The following DNAJB14 variants were observed in gnomAD, a reference collection of about 807,000 sequenced individuals.
DNAJB14 encodes DnaJ heat shock protein family (Hsp40) member B14.
Under a neutral mutation model 48.4 loss-of-function variants are expected in DNAJB14, and 22 were observed. That is an observed-to-expected ratio of 0.45 (90% CI 0.32 to 0.65). The LOEUF is 0.65. Ranked by LOEUF, DNAJB14 falls within the 30% of genes least tolerant of loss-of-function variation. The pLI is 0.03. For missense variants in DNAJB14, 319 were observed against 458.8 expected (o/e 0.70, Z 2.78); for synonymous variants, 142 against 158.7 (o/e 0.89, Z 0.79).
intron 1 of DNAJB14, among the ~76,000 whole-genome samples, chr4:99,945,426 TTTC>T (rs749102696): frequency 1.3e-5 from 2 of 152,198 alleles, no homozygotes; most frequent in Non-Finnish European, 2.9e-5. Flanking sequence ...TATCGATAAC[TTTC>T]TTCTTAACCT....
chr4:99,938,697 TAA>T (rs990289574), intron 1 of DNAJB14, among the ~76,000 whole-genome samples: 2 of 152,168 alleles, frequency 1.3e-5, no homozygotes, highest in African/African-American at 4.8e-5. Flanking sequence ...TTATTTGTAT[TAA>T]GTTTGAATGA....
rs1725261445 is a variant in DNAJB14 at position 99,900,479 on chromosome 4, C to T, written c.*549G>A. ...ATCAATTCCCTCTAAGCTGATAATA[C>T]TATAAGATTTTACACAAAGTTAAAG... On this transcript the variant is annotated 3_prime_UTR_variant, in exon 8 of 8. Transcript: ENST00000442697. 2 of 151,970 alleles carry T rather than the reference C, an allele frequency of 1.3e-5. 1 individual carries two copies. Among genetic ancestry groups the T allele is most frequent in the South Asian group, 4.1e-4 (2 of 4,830 alleles). 9.4% of individuals were successfully genotyped at this position (151,970 alleles called of 1,614,324 possible). A position where few individuals can be genotyped will look rare whatever the true frequency, so the allele number is the denominator to read the frequency against.
chr4:99,922,878 G>A (rs1726111202), intron 3 of DNAJB14, 162 bp downstream of exon 3: 5 of 708,858 alleles, frequency 7.1e-6, no homozygotes, highest in Non-Finnish European at 1.1e-5. Flanking sequence ...GTTTGCCTTC[G>A]GGTATAACCA....
intron 3 of DNAJB14, among the ~76,000 whole-genome samples, chr4:99,921,486 G>A (rs1276116712): frequency 6.6e-6 from 1 of 152,176 alleles, no homozygotes. Flanking sequence ...ATTCAAAGAT[G>A]CTAACATGAC....
At position 99,911,353 on chromosome 4, in the gene DNAJB14, T is replaced by A. The variant is rs1189579580; in HGVS notation, c.452-2457A>T. On this transcript the variant is annotated intron_variant, in intron 3 of 7. Coordinates refer to ENST00000442697, the MANE Select transcript of DNAJB14 (RefSeq NM_001031723.4). ...CTATTACAAATAAAATTGCTATATA[T>A]ATTCATGTACAGGATTAGGTGTAAA... Among the ~76,000 whole-genome samples the A allele has an allele frequency of 2.6e-5, 4 of 152,200 alleles. No individual in the cohort carries two copies. The East Asian group carries it at 7.7e-4, about 29-fold the overall frequency.
intron 2 of DNAJB14, chr4:99,924,511 T>G (rs1232095298): frequency 1.8e-5 from 6 of 328,120 alleles, no homozygotes; most frequent in Non-Finnish European, 3.2e-5. Context: ...AAATTGGATT[T>G]TTCTACTTTA....
At chr4:99,946,406 T>C (rs762667138) in intron 1 of DNAJB14, 33 bp downstream of exon 1, 1 of 1,588,878 alleles carries the variant, frequency 6.3e-7, no homozygotes, top group Non-Finnish European at 8.6e-7. Context: ...GTCTGGGGAT[T>C]GGGCAGGAAG....
intron 3 of DNAJB14, among the ~76,000 whole-genome samples, chr4:99,919,132 C>A (rs1333155928): frequency 6.6e-6 from 1 of 152,098 alleles, no homozygotes; most frequent in East Asian, 1.9e-4. Context: ...GTGGTGTTTG[C>A]AGTAGAGTGG....
In DNAJB14 at chr4:99,946,488, C is replaced by A; in HGVS notation, c.84G>T (p.Gln28His). ...ALNAGNREKA[Q>H]RFLQKAEKLY... ...GCTTCTCGGCCTTCTGCAGGAAGCG[C>A]TGGGCCTTCTCGCGGTTGCCGGCGT... The change falls in exon 1 of 8, where the codon CAG becomes CAT. Residue 28 changes from glutamine (Q) to histidine (H), a missense_variant. Gln to His is a conservative substitution (Grantham distance 24). This residue lies in a region of DNAJB14 where 116 missense variants were observed against 134.6 expected (regional missense o/e 0.86). Transcript: ENST00000442697. The A allele has an allele frequency of 1.9e-6, 3 of 1,613,758 alleles. No homozygotes were observed. Among genetic ancestry groups the A allele is most frequent in the Non-Finnish European group, 2.5e-6 (3 of 1,179,790 alleles).
chr4:99,916,905 C>T (rs1291463078), intron 3 of DNAJB14, among the ~76,000 whole-genome samples: 1 of 152,052 alleles, frequency 6.6e-6, no homozygotes, highest in Non-Finnish European at 1.5e-5. Context: ...GAGGCTGAGG[C>T]GGATGGATCA....
At chr4:99,915,124 T>C (rs1560736107) in intron 3 of DNAJB14, among the ~76,000 whole-genome samples, 3 of 152,224 alleles carry the variant, frequency 2.0e-5, no homozygotes, top group Admixed American at 6.5e-5. Context: ...TTCTAACATA[T>C]GCATTTCATG....
chr4:99,946,360 G>A (rs574454516), intron 1 of DNAJB14, 79 bp downstream of exon 1: 4 of 1,542,044 alleles, frequency 2.6e-6, no homozygotes, highest in African/African-American at 2.7e-5. Context: ...GCCTCCAGGA[G>A]GGGCCGAGGT....
At chr4:99,929,388 C>G (rs1726377060) in intron 2 of DNAJB14, 1 of 152,118 alleles carries the variant, frequency 6.6e-6, no homozygotes, top group South Asian at 2.1e-4. Flanking sequence ...CCACCACACT[C>G]AGTCAGAGAA....
intron 1 of DNAJB14, among the ~76,000 whole-genome samples, chr4:99,945,636 T>C (rs1320547631): frequency 6.6e-6 from 1 of 152,206 alleles, no homozygotes; most frequent in Non-Finnish European, 1.5e-5. Context: ...ATCCTGCACC[T>C]CTACACAGAA....
Position 99,898,251 on chromosome 4 carries a change from C to T in DNAJB14, c.*2777G>A, listed in dbSNP as rs981198073. 2 of 151,880 alleles carry T rather than the reference C, an allele frequency of 1.3e-5. No individual in the cohort carries two copies. The highest frequency in any genetic ancestry group is 6.6e-5 in the Admixed American group (1 of 15,246). 9.4% of individuals were successfully genotyped at this position (151,880 alleles called of 1,614,324 possible). A position where few individuals can be genotyped will look rare whatever the true frequency, so the allele number is the denominator to read the frequency against. On this transcript the variant is annotated 3_prime_UTR_variant, in exon 8 of 8. Coordinates refer to ENST00000442697, the MANE Select transcript of DNAJB14 (RefSeq NM_001031723.4). The stretch of plus-strand genomic sequence containing the variant: ...AGTTTAATGCATTGGCATATATATG[C>T]CTTAAGGACTGTACTTTTCTCTACC...
Position 99,924,133 on chromosome 4 carries a change from C to A in DNAJB14, c.306-948G>T, listed in dbSNP as rs139389968. Among the ~76,000 whole-genome samples, 258 of 152,174 alleles carry A rather than the reference C, an allele frequency of 1.7e-3. 2 individuals are homozygous for A. Among genetic ancestry groups the A allele is most frequent in the African/African-American group, 5.9e-3 (244 of 41,522 alleles). ...CCTAGTAATTTACTTTCACAAAAGC[C>A]ACAGTACATTTTCAAAATTTTTGGA... On this transcript the variant is annotated intron_variant, in intron 2 of 7. Transcript: ENST00000442697.
At chr4:99,904,018 A>G (rs1725384837) in intron 6 of DNAJB14, 120 bp from the exon 7 acceptor site, 1 of 1,041,972 alleles carries the variant, frequency 9.6e-7, no homozygotes, top group African/African-American at 1.6e-5. Context: ...ATACAGGTTG[A>G]GCATCCCTAA....
chr4:99,902,072 C>T (rs1454401766), intron 7 of DNAJB14, among the ~76,000 whole-genome samples: 9 of 152,034 alleles, frequency 5.9e-5, no homozygotes, highest in Non-Finnish European at 1.0e-4. Context: ...ACACATAATG[C>T]GCTTATATCT....
At chr4:99,907,691 A>G (rs1725516898) in intron 4 of DNAJB14, among the ~76,000 whole-genome samples, 1 of 152,052 alleles carries the variant, frequency 6.6e-6, no homozygotes, top group African/African-American at 2.4e-5. Context: ...TAAAAAATAG[A>G]AAGAAATGAC....
Sources: allele counts gnomAD v4.1 joint callset (sites outside exome capture counted in the v4.1 genomes callset), GRCh38; gene constraint gnomAD v4.1.1; regional missense constraint gnomAD v4.1.1; transcripts MANE v1.5; gene names NCBI Gene and HGNC (gene_info 2026-07-23, HGNC 2026-07-21).